Variants in COL4A5 observed in about 807,000 individuals in gnomAD.
COL4A5 encodes collagen type IV alpha 5 chain, also known as collagen alpha-5(IV) chain.
Under a neutral mutation model 130.2 loss-of-function variants are expected in COL4A5, and 26 were observed. The ratio of observed to expected loss-of-function variants is 0.20; its 90% CI spans 0.15 to 0.28. COL4A5 has a LOEUF of 0.28. COL4A5 is among the 10% of genes least tolerant of loss of function. COL4A5 has a pLI of 1.00. For missense variants in COL4A5, 1,131 were observed against 1,344.3 expected (o/e 0.84, Z 2.48); for synonymous variants, 496 against 439.6 (o/e 1.13, Z -1.60).
intron 52 of COL4A5, chrX:108,695,873 T>G: frequency 9.2e-6 from 2 of 217,241 alleles, no homozygotes. Flanking sequence ...CTCAGGATAC[T>G]TCATTCTGTT....
Position 108,595,716 on chromosome X carries a change from A to C in COL4A5, c.1516+115A>C, listed in dbSNP as rs573585866. 5 of 551,089 alleles carry C rather than the reference A, an allele frequency of 9.1e-6. No individual in the cohort carries two copies. In the South Asian group the frequency reaches 1.7e-4, roughly 18 times the overall value. The allele number at this position is 551,089 out of a possible 1,213,427, so 45.4% of individuals were successfully genotyped here. On this transcript the variant is annotated intron_variant, in intron 22 of 52. Transcript: ENST00000328300. The stretch of plus-strand genomic sequence containing the variant: ...TATAACTAGTCACTCATATCTATAA[A>C]GAATTAAGTATGAAATGCCTCCATT...
At chrX:108,483,231 GTGTGTGTGTGTGTGTGTA>G (rs1569476144) in intron 1 of COL4A5, among the ~76,000 whole-genome samples, 19 of 110,141 alleles carry the variant, frequency 1.7e-4, no homozygotes, top group African/African-American at 5.9e-4. Context: ...GTATGTGTGT[GTGTGTGTGTGTGTGTGTA>G]TGTAAAGGGG....
chrX:108,517,664 G>C (rs2065231674), intron 1 of COL4A5, among the ~76,000 whole-genome samples: 1 of 111,248 alleles, frequency 9.0e-6, no homozygotes, highest in African/African-American at 3.3e-5. Context: ...TCTATGCTGT[G>C]ATCCTTACTT....
chrX:108,683,116 T>C (rs1268432348), intron 47 of COL4A5, among the ~76,000 whole-genome samples: 1 of 112,133 alleles, frequency 8.9e-6, no homozygotes, highest in Non-Finnish European at 1.9e-5. Flanking sequence ...CATGTATGGC[T>C]AGCCAGTTTT....
intron 1 of COL4A5, among the ~76,000 whole-genome samples, chrX:108,463,434 T>C (rs181177385): frequency 1.3e-3 from 149 of 112,007 alleles, no homozygotes; most frequent in Non-Finnish European, 1.7e-3. Context: ...AGGAGGAAAA[T>C]TGAGTAAACC....
At chrX:108,497,882 T>G (rs1385464176) in intron 1 of COL4A5, among the ~76,000 whole-genome samples, 1 of 111,727 alleles carries the variant, frequency 9.0e-6, no homozygotes, top group Non-Finnish European at 1.9e-5. Flanking sequence ...ATAATGAGTT[T>G]ACCTGTTTTT....
At chrX:108,521,870 G>A (rs2065268621) in intron 1 of COL4A5, among the ~76,000 whole-genome samples, 1 of 110,966 alleles carries the variant, frequency 9.0e-6, no homozygotes, top group Non-Finnish European at 1.9e-5. Flanking sequence ...AGTAATTTTA[G>A]AATATTTACA....
intron 1 of COL4A5, among the ~76,000 whole-genome samples, chrX:108,471,022 G>A (rs182154554): frequency 8.9e-6 from 1 of 111,761 alleles, no homozygotes; most frequent in Non-Finnish European, 1.9e-5. Context: ...TTTTGTACCA[G>A]TACCATGCTG....
chrX:108,619,785 TGTAA>T (rs747039986), intron 30 of COL4A5, among the ~76,000 whole-genome samples: 333 of 111,987 alleles, frequency 3.0e-3, no homozygotes, highest in African/African-American at 0.01. Context: ...ACAATGCAAA[TGTAA>T]GTGTGTTCAA....
At chrX:108,510,898 T>TCAC (rs2065173934) in intron 1 of COL4A5, among the ~76,000 whole-genome samples, 1 of 111,821 alleles carries the variant, frequency 8.9e-6, no homozygotes, top group Admixed American at 9.5e-5. Flanking sequence ...TGCATAGTGA[T>TCAC]GTTTCAAAAC....
intron 39 of COL4A5, 43 bp downstream of exon 39, chrX:108,666,637 G>A (rs2068086512): frequency 9.4e-7 from 1 of 1,066,382 alleles, no homozygotes; most frequent in African/African-American, 1.9e-5. Context: ...AATTTTCTCT[G>A]TGTTGAATTT....
At chrX:108,523,470 A>G in intron 1 of COL4A5, among the ~76,000 whole-genome samples, 1 of 112,290 alleles carries the variant, frequency 8.9e-6, no homozygotes, top group East Asian at 2.8e-4. Flanking sequence ...TTTTGCCAGT[A>G]CCACACTGGT....
intron 36 of COL4A5, among the ~76,000 whole-genome samples, chrX:108,642,638 T>C (rs192967225): frequency 3.7e-5 from 4 of 109,023 alleles, no homozygotes; most frequent in African/African-American, 1.3e-4. Context: ...AGAGAGACAA[T>C]AATCACTGCA....
intron 1 of COL4A5, among the ~76,000 whole-genome samples, chrX:108,484,839 T>C (rs2064929016): frequency 8.9e-6 from 1 of 112,547 alleles, no homozygotes; most frequent in Non-Finnish European, 1.9e-5. Context: ...TAGGGCTCTA[T>C]AGTTAGCAGG....
rs73636580 is a variant in COL4A5 at position 108,677,692 on chromosome X, G to C, written c.3942+59G>C. 6.3e-4 allele frequency: 719 copies of C among 1,146,387 alleles called. 3 individuals are homozygous for C. In the African/African-American group the frequency reaches 0.012, roughly 18 times the overall value. 94.5% of individuals were successfully genotyped at this position (1,146,387 alleles called of 1,213,427 possible). On this transcript the variant is annotated intron_variant, in intron 44 of 52. Coordinates refer to ENST00000328300, the MANE Select transcript of COL4A5 (RefSeq NM_033380.3). ...GAATGTGGGTGTTTGTATTCAAAAT[G>C]TGAATTCTAAGCTGCATCATTTTAA...
chrX:108,559,252 A>C, intron 3 of COL4A5, 99 bp downstream of exon 3: 1 of 624,339 alleles, frequency 1.6e-6, no homozygotes, highest in Non-Finnish European at 2.7e-6. Flanking sequence ...GAATTATAGC[A>C]AGAAACTAAT....
At chrX:108,604,582 T>G (rs2066697412) in intron 28 of COL4A5, among the ~76,000 whole-genome samples, 2 of 112,055 alleles carry the variant, frequency 1.8e-5, no homozygotes, top group South Asian at 3.8e-4. Context: ...GCCCTAGAAT[T>G]TTTAGAATGG....
At chrX:108,542,528 T>A (rs1351174594) in intron 2 of COL4A5, among the ~76,000 whole-genome samples, 1 of 111,068 alleles carries the variant, frequency 9.0e-6, no homozygotes, top group Non-Finnish European at 1.9e-5. Context: ...TTGGGTTGGT[T>A]CCAAGTCTTT....
intron 1 of COL4A5, chrX:108,440,525 C>CT (rs1233617210): frequency 3.8e-6 from 1 of 265,402 alleles, no homozygotes; most frequent in Admixed American, 6.2e-5. Context: ...AAAACTTTTC[C>CT]TCCCCTCCCT....
Sources: allele counts gnomAD v4.1 joint callset (sites outside exome capture counted in the v4.1 genomes callset), GRCh38; gene constraint gnomAD v4.1.1; transcripts MANE v1.5; gene names NCBI Gene and HGNC (gene_info 2026-07-23, HGNC 2026-07-21).